RANBP3: variants seen among roughly 807,000 people sequenced by gnomAD.
RANBP3 encodes the protein RAN binding protein 3.
RANBP3 carries 14 observed loss-of-function variants against 77.3 expected under a neutral mutation model. That is an observed-to-expected ratio of 0.18 (90% CI 0.12 to 0.28). The LOEUF is 0.28. Ranked by LOEUF, RANBP3 falls within the 10% of genes least tolerant of loss-of-function variation. The probability of loss-of-function intolerance (pLI) is 1.00; values close to 1 mark genes in which losing one functional copy is unlikely to be tolerated. For synonymous variants in RANBP3, 315 were observed against 312.4 expected, an observed-to-expected ratio of 1.01 and a Z score of -0.09; for missense variants, 586 against 752.3, an observed-to-expected ratio of 0.78 and a Z score of 2.59.
In RANBP3 at chr19:5,917,997, G is replaced by A. The variant is rs2057765526; in HGVS notation, c.1474-17C>T. On this transcript the variant is annotated splice_polypyrimidine_tract_variant and intron_variant, in intron 15 of 16. Coordinates refer to ENST00000340578, the MANE Select transcript of RANBP3 (RefSeq NM_007322.3). ...GGAGCTGGCCTGGGAAGGGAGGAGGGTATGAGACCCCCGGACCCCAGTCCT... is the reference window on the plus strand; with the variant it reads ...GGAGCTGGCCTGGGAAGGGAGGAGGATATGAGACCCCCGGACCCCAGTCCT... The A allele has an allele frequency of 6.4e-7, 1 of 1,569,814 alleles. No individual in the cohort carries two copies. Among genetic ancestry groups the A allele is most frequent in the Non-Finnish European group, 8.7e-7 (1 of 1,154,766 alleles).
chr19:5,977,391 G>C (rs562084489), intron 1 of RANBP3, among the ~76,000 whole-genome samples: 4 of 152,264 alleles, frequency 2.6e-5, no homozygotes, highest in East Asian at 1.9e-4. Flanking sequence ...CTCTTGTCTG[G>C]AAGTGCAGCA....
chr19:5,933,034 C>T (rs995737842), intron 6 of RANBP3: 20 of 268,578 alleles, frequency 7.4e-5, no homozygotes, highest in South Asian at 6.0e-4. Context: ...GCAGCCGGCT[C>T]ACTAGCAGCG....
rs2057929443 is a variant in RANBP3 at position 5,927,587 on chromosome 19, G to A, written c.813+381C>T. 2.0e-5 allele frequency among the ~76,000 whole-genome samples: 3 copies of A among 152,246 alleles called. No homozygotes were observed. In the South Asian group the frequency reaches 6.2e-4, roughly 31 times the overall value. Reference sequence around the variant, plus strand: ...GTAATGCTGCTAGTGCTGAAACAGAGAAACCCTGAAATACGGGAACAGAAA... The same window carrying A: ...GTAATGCTGCTAGTGCTGAAACAGAAAAACCCTGAAATACGGGAACAGAAA... On this transcript the variant is annotated intron_variant, in intron 9 of 16. Transcript: ENST00000340578.
intron 15 of RANBP3, 100 bp from the exon 16 acceptor site, chr19:5,918,080 C>G: frequency 7.5e-7 from 1 of 1,329,484 alleles, no homozygotes; most frequent in Non-Finnish European, 1.0e-6. Flanking sequence ...AGAGGTGACA[C>G]TGCCACAAGG....
At chr19:5,935,338 G>C (rs1230001490) in intron 5 of RANBP3, among the ~76,000 whole-genome samples, 1 of 152,220 alleles carries the variant, frequency 6.6e-6, no homozygotes, top group African/African-American at 2.4e-5. Context: ...GTAACAGACT[G>C]GTCATAAAAA....
intron 3 of RANBP3, among the ~76,000 whole-genome samples, chr19:5,949,792 C>T (rs1049347660): frequency 9.2e-5 from 14 of 152,210 alleles, no homozygotes; most frequent in African/African-American, 2.9e-4. Flanking sequence ...AACATGTGGA[C>T]GAGGTGAGGC....
At chr19:5,977,883 C>G (rs1031516389) in intron 1 of RANBP3, among the ~76,000 whole-genome samples, 178 bp downstream of exon 1, 2 of 152,144 alleles carry the variant, frequency 1.3e-5, no homozygotes, top group African/African-American at 2.4e-5. Flanking sequence ...TGGGCCGGGC[C>G]GGTGAGCCCG....
chr19:5,977,468 G>C (rs999545383), intron 1 of RANBP3, among the ~76,000 whole-genome samples: 1 of 152,156 alleles, frequency 6.6e-6, no homozygotes, highest in East Asian at 1.9e-4. Flanking sequence ...AAATGAGGGG[G>C]AGACGAAGCG....
chr19:5,944,262 T>A (rs2058175601), intron 3 of RANBP3, among the ~76,000 whole-genome samples: 1 of 152,180 alleles, frequency 6.6e-6, no homozygotes, highest in African/African-American at 2.4e-5. Context: ...GAGTGAGTCC[T>A]GGGTGCAGCC....
chr19:5,918,175 G>A (rs1224265816), intron 15 of RANBP3, among the ~76,000 whole-genome samples, 195 bp from the exon 16 acceptor site: 1 of 152,202 alleles, frequency 6.6e-6, no homozygotes, highest in Admixed American at 6.5e-5. Flanking sequence ...GAATATCCCA[G>A]AGGTCAGGGT....
intron 5 of RANBP3, among the ~76,000 whole-genome samples, chr19:5,939,691 C>T (rs772656772): frequency 2.0e-5 from 3 of 152,236 alleles, no homozygotes; most frequent in Non-Finnish European, 2.9e-5. Context: ...TGGATTCTCA[C>T]GTCCCACGGG....
At chr19:5,955,796 C>G (rs995292951) in intron 2 of RANBP3, among the ~76,000 whole-genome samples, 1 of 152,224 alleles carries the variant, frequency 6.6e-6, no homozygotes, top group Admixed American at 6.5e-5. Context: ...CAGCCACAGG[C>G]AACCGCAAAG....
At chr19:5,920,708 C>T (rs148175373) in intron 14 of RANBP3, among the ~76,000 whole-genome samples, 3 of 152,176 alleles carry the variant, frequency 2.0e-5, no homozygotes, top group Non-Finnish European at 2.9e-5. Flanking sequence ...TCACCATGCC[C>T]GGCTAATTTT....
Position 5,965,346 on chromosome 19 carries a change from C to T in RANBP3, c.23-7373G>A, listed in dbSNP as rs150450853. On this transcript the variant is annotated intron_variant, in intron 1 of 16. Transcript: ENST00000340578. ...AGTAAGGAGGGTGAAAGGAGGAGGG[C>T]GGTTTCAACAGCCCACATGTGAGAG... is the stretch of plus-strand genomic sequence containing the variant. Among the ~76,000 whole-genome samples the T allele has an allele frequency of 2.7e-3, 408 of 152,166 alleles. 2 individuals carry two copies. The highest frequency in any genetic ancestry group is 9.0e-3 in the African/African-American group (372 of 41,498).
Position 5,931,545 on chromosome 19 carries a change from GGA to G in RANBP3, c.566-16_566-15del, listed in dbSNP as rs772271172. On this transcript the variant is annotated splice_polypyrimidine_tract_variant and intron_variant, in intron 7 of 16. Transcript: ENST00000340578. ...CACTGCTGGGGACTGTGGGAGGGAA[GGA>G]GAGTGGGGAATCACAGGTGCTTGGC... is the stretch of plus-strand genomic sequence containing the variant. 1 of 1,597,726 alleles carries G rather than the reference GGA, an allele frequency of 6.3e-7. No individual in the cohort carries two copies. The highest frequency in any genetic ancestry group is 8.6e-7 in the Non-Finnish European group (1 of 1,169,082).
chr19:5,919,166 G>C (rs759547338), intron 14 of RANBP3, among the ~76,000 whole-genome samples: 2 of 152,248 alleles, frequency 1.3e-5, no homozygotes, highest in Non-Finnish European at 2.9e-5. Context: ...GAGTAGGACC[G>C]CAGCTTAGCG....
chr19:5,944,397 C>G (rs1304957131), intron 3 of RANBP3, among the ~76,000 whole-genome samples: 1 of 152,216 alleles, frequency 6.6e-6, no homozygotes, highest in African/African-American at 2.4e-5. Context: ...GGGGTGGGTA[C>G]AGGCTCCAGC....
intron 1 of RANBP3, among the ~76,000 whole-genome samples, chr19:5,964,852 T>TGG (rs386388443): frequency 0.17 from 2,807 of 16,920 alleles, 315 homozygotes; most frequent in Middle Eastern, 0.27. Context: ...GGTGGTAGGG[T>TGG]GGGGGGGGGG....
chr19:5,974,631 G>A (rs967983445), intron 1 of RANBP3, among the ~76,000 whole-genome samples: 10 of 152,210 alleles, frequency 6.6e-5, no homozygotes, highest in African/African-American at 2.4e-4. Flanking sequence ...TCACCATGGT[G>A]ACGAGGGCCA....
Sources: gnomAD v4.1 joint callset for allele counts (sites outside exome capture counted in the v4.1 genomes callset) on GRCh38, gnomAD v4.1.1 for gene constraint, MANE v1.5 for transcripts, NCBI Gene and HGNC (gene_info 2026-07-23, HGNC 2026-07-21) for gene names.